Variants in ZEB1 observed in about 807,000 individuals in gnomAD.
The protein encoded by ZEB1 is zinc finger E-box binding homeobox 1, also known as zinc finger E-box-binding homeobox 1.
Under a neutral mutation model 84.9 loss-of-function variants are expected in ZEB1, and 21 were observed. That is an observed-to-expected ratio of 0.25 (90% CI 0.18 to 0.36). The LOEUF (loss-of-function observed/expected upper bound fraction) is 0.36. ZEB1 is among the 10% of genes least tolerant of loss of function. The probability of loss-of-function intolerance (pLI) is 1.00; values close to 1 mark genes in which losing one functional copy is unlikely to be tolerated. For missense variants in ZEB1, 1,104 were observed against 1,330.2 expected, an observed-to-expected ratio of 0.83 and a Z score of 2.65; for synonymous variants, 420 against 471.1, an observed-to-expected ratio of 0.89 and a Z score of 1.41.
intron 3 of ZEB1, among the ~76,000 whole-genome samples, chr10:31,500,458 A>C (rs977030363): frequency 1.3e-5 from 2 of 152,142 alleles, no homozygotes; most frequent in South Asian, 2.1e-4. Flanking sequence ...CAGCTTCCCA[A>C]CCAGGACCAG....
chr10:31,469,459 C>A (rs1366978183), intron 2 of ZEB1, among the ~76,000 whole-genome samples: 2 of 152,158 alleles, frequency 1.3e-5, no homozygotes, highest in African/African-American at 4.8e-5. Flanking sequence ...ACAGACGGCA[C>A]CTGGAAAATC....
At chr10:31,432,872 T>A (rs750223506) in intron 1 of ZEB1, among the ~76,000 whole-genome samples, 1 of 152,236 alleles carries the variant, frequency 6.6e-6, no homozygotes, top group Non-Finnish European at 1.5e-5. Flanking sequence ...TTTACATGTT[T>A]ACAAATCTCT....
At chr10:31,361,074 C>G in intron 1 of ZEB1, 1 of 1,611,808 alleles carries the variant, frequency 6.2e-7, no homozygotes, top group South Asian at 1.1e-5. Flanking sequence ...GACTTCTTTT[C>G]TCTAAGACTT....
At chr10:31,459,588 A>G (rs2061597029) in intron 1 of ZEB1, among the ~76,000 whole-genome samples, 1 of 152,042 alleles carries the variant, frequency 6.6e-6, no homozygotes, top group South Asian at 2.1e-4. Flanking sequence ...ACTCTTGGGA[A>G]AAGATCTGGA....
At chr10:31,347,783 G>T (rs1004694003) in intron 1 of ZEB1, among the ~76,000 whole-genome samples, 1 of 152,032 alleles carries the variant, frequency 6.6e-6, no homozygotes, top group African/African-American at 2.4e-5. Context: ...TGTCTGACAA[G>T]TTGGATTTTT....
chr10:31,489,260 TTGTC>T (rs2066162854), intron 2 of ZEB1, among the ~76,000 whole-genome samples: 1 of 151,314 alleles, frequency 6.6e-6, no homozygotes, highest in Non-Finnish European at 1.5e-5. Context: ...GAAGTCTACT[TTGTC>T]TGATATTACT....
chr10:31,321,278 T>A (rs532567191), intron 1 of ZEB1: 1 of 1,338,110 alleles, frequency 7.5e-7, no homozygotes, highest in South Asian at 2.0e-5. Flanking sequence ...TCCATAATTA[T>A]ATTTTTAATA....
chr10:31,333,619 A>G (rs1047567436), intron 1 of ZEB1, among the ~76,000 whole-genome samples: 2 of 152,006 alleles, frequency 1.3e-5, no homozygotes, highest in South Asian at 4.1e-4. Context: ...ACAATATTCA[A>G]TCTGAAAAAA....
intron 1 of ZEB1, among the ~76,000 whole-genome samples, chr10:31,398,254 T>C (rs1202362499): frequency 6.6e-6 from 1 of 152,186 alleles, no homozygotes; most frequent in Non-Finnish European, 1.5e-5. Context: ...TTAAAAATTA[T>C]ACTATTCATT....
intron 3 of ZEB1, among the ~76,000 whole-genome samples, chr10:31,502,122 C>T (rs2068234984): frequency 6.6e-6 from 1 of 152,122 alleles, no homozygotes; most frequent in Non-Finnish European, 1.5e-5. Flanking sequence ...GAAAGGGATA[C>T]TGTGAGAATT....
chr10:31,506,680 C>T (rs1245879181), intron 4 of ZEB1, among the ~76,000 whole-genome samples: 1 of 152,030 alleles, frequency 6.6e-6, no homozygotes, highest in Non-Finnish European at 1.5e-5. Context: ...TTCTTCTAGG[C>T]AGCACATAGC....
chr10:31,341,657 A>G (rs2039392843), intron 1 of ZEB1, among the ~76,000 whole-genome samples: 3 of 152,158 alleles, frequency 2.0e-5, no homozygotes, highest in Non-Finnish European at 2.9e-5. Flanking sequence ...GCATAAGACC[A>G]TCAAGGGAAG....
At chr10:31,389,803 CATATA>C (rs1177984040) in intron 1 of ZEB1, 1 of 152,072 alleles carries the variant, frequency 6.6e-6, no homozygotes, top group Non-Finnish European at 1.5e-5. Flanking sequence ...ATTATTCCAA[CATATA>C]ATTAATAGAA....
chr10:31,520,501 G>A lies in ZEB1; in HGVS notation c.1169G>A (p.Gly390Asp), dbSNP rs1435864623. The A allele has an allele frequency of 1.2e-6, 2 of 1,613,730 alleles. No homozygotes were observed. Among genetic ancestry groups the A allele is most frequent in the Non-Finnish European group, 1.7e-6 (2 of 1,179,820 alleles). Reference protein sequence around the residue: ...GPLQATSSPQGMVQAVVLPTV... With the variant: ...GPLQATSSPQDMVQAVVLPTV... ...TTACAGGCAACCAGTTCTCCTCAGG[G>A]CATGGTGCAAGCTGTTGTTCTGCCA... is the stretch of plus-strand genomic sequence containing the variant. Residue 390 changes from glycine to aspartate, a missense_variant, in exon 7 of 9, where the codon GGC becomes GAC. Physicochemically the swap from Gly to Asp is moderately conservative, Grantham distance 94. This residue lies in a region of ZEB1 where 111 missense variants were observed against 161.8 expected (regional missense o/e 0.69). Transcript: ENST00000424869. This position sits in a 1 kb window ranked among gnomAD's most constrained non-coding sequence, Gnocchi z 5.1.
At chr10:31,440,955 C>G (rs1198923504) in intron 1 of ZEB1, among the ~76,000 whole-genome samples, 4 of 152,130 alleles carry the variant, frequency 2.6e-5, no homozygotes, top group Non-Finnish European at 5.9e-5. Flanking sequence ...TAGGAAGAAT[C>G]AATATCGTGA....
chr10:31,447,179 TG>T (rs1471255266), intron 1 of ZEB1, among the ~76,000 whole-genome samples: 1 of 152,074 alleles, frequency 6.6e-6, no homozygotes, highest in Non-Finnish European at 1.5e-5. Flanking sequence ...TGGCCTTCTT[TG>T]TCTCTTTTGA....
chr10:31,391,350 T>G lies in ZEB1; in HGVS notation c.59-69687T>G, dbSNP rs181404966. The stretch of plus-strand genomic sequence containing the variant: ...TTGCCCCTCCCCCAAAACAGTCACC[T>G]GAAAGGTCTCAAATATAGCTTTCGG... On this transcript the variant is annotated intron_variant, in intron 1 of 8. Transcript: ENST00000424869. Among the ~76,000 whole-genome samples, 9 of 151,362 alleles carry G rather than the reference T, an allele frequency of 5.9e-5. 1 individual carries two copies. The highest frequency in any genetic ancestry group is 3.3e-4 in the Admixed American group (5 of 15,178).
chr10:31,406,112 T>A (rs1400535016), intron 1 of ZEB1, among the ~76,000 whole-genome samples: 8 of 152,164 alleles, frequency 5.3e-5, no homozygotes, highest in African/African-American at 1.7e-4. Context: ...TTTGAATTGG[T>A]TCCAAGTTTT....
chr10:31,499,304 T>G (rs2067756113), intron 3 of ZEB1, among the ~76,000 whole-genome samples: 1 of 152,214 alleles, frequency 6.6e-6, no homozygotes, highest in Non-Finnish European at 1.5e-5. Flanking sequence ...TCAGAAATGA[T>G]TAAGGAAACT....
Sources: gnomAD v4.1 joint callset for allele counts (sites outside exome capture counted in the v4.1 genomes callset) on GRCh38, gnomAD v4.1.1 for gene constraint, gnomAD v4.1.1 regional missense constraint, Gnocchi (gnomAD v3.1) non-coding constraint, MANE v1.5 for transcripts, NCBI Gene and HGNC (gene_info 2026-07-23, HGNC 2026-07-21) for gene names.